The following ADGB variants were observed in gnomAD, a reference collection of about 807,000 sequenced individuals.
ADGB encodes the protein androglobin.
A neutral mutation model predicts 210.5 loss-of-function variants in ADGB; 172 were observed. The ratio of observed to expected loss-of-function variants is 0.82; its 90% CI spans 0.72 to 0.93. The LOEUF (loss-of-function observed/expected upper bound fraction) is 0.93. Ranked by LOEUF, ADGB falls within the 40% of genes least tolerant of loss-of-function variation. ADGB has a pLI of 0.00. For missense variants in ADGB, 2,025 were observed against 1,964.8 expected (o/e 1.03, Z -0.58); for synonymous variants, 658 against 662.7 (o/e 0.99, Z 0.11).
intron 27 of ADGB, among the ~76,000 whole-genome samples, chr6:146,761,427 T>G (rs1583626713): frequency 6.6e-6 from 1 of 152,098 alleles, no homozygotes; most frequent in Non-Finnish European, 1.5e-5. Context: ...TTTTGGACTC[T>G]GGATCAGTTG....
Position 146,745,918 on chromosome 6 carries a change from A to G in ADGB, c.3178-4A>G, listed in dbSNP as rs571478971. 1.3e-6 allele frequency: 2 copies of G among 1,537,668 alleles called. No individual in the cohort carries two copies. Among genetic ancestry groups the G allele is most frequent in the East Asian group, 2.5e-5 (1 of 40,716 alleles). ...CATTTCTGTGTAATTTGTCTTTCTT[A>G]TAGAAGGGATACACTTTTGTGGCGG... On this transcript the variant is annotated splice_region_variant and splice_polypyrimidine_tract_variant and intron_variant, in intron 25 of 35. Coordinates refer to ENST00000397944, the MANE Select transcript of ADGB (RefSeq NM_024694.4).
intron 33 of ADGB, among the ~76,000 whole-genome samples, chr6:146,800,019 G>A (rs557883943): frequency 7.9e-5 from 12 of 152,040 alleles, no homozygotes; most frequent in African/African-American, 2.4e-4. Flanking sequence ...CATCTTGGTC[G>A]GGCTGGTCTT....
rs758768531 is a variant in ADGB at position 146,736,617 on chromosome 6, T to C, written c.2888+26T>C. The C allele has an allele frequency of 4.1e-5, 60 of 1,451,918 alleles. No individual in the cohort carries two copies. In the South Asian group the frequency reaches 4.5e-4, roughly 11 times the overall value. 89.9% of individuals were successfully genotyped at this position (1,451,918 alleles called of 1,614,324 possible). ...GTAAAGCAGTCAAATGATATTTTTA[T>C]TGCAGTATATTGTCCTTTTGTCAAA... On this transcript the variant is annotated intron_variant, in intron 23 of 35. Coordinates refer to ENST00000397944, the MANE Select transcript of ADGB (RefSeq NM_024694.4).
intron 6 of ADGB, 147 bp downstream of exon 6, chr6:146,664,487 A>G (rs2114894381): frequency 2.5e-6 from 2 of 788,422 alleles, no homozygotes; most frequent in East Asian, 6.2e-5. Context: ...ATAAAATCAA[A>G]TACGCCAAAA....
intron 27 of ADGB, among the ~76,000 whole-genome samples, chr6:146,757,978 G>A (rs1240425966): frequency 6.6e-6 from 1 of 152,070 alleles, no homozygotes; most frequent in Non-Finnish European, 1.5e-5. Context: ...TTAAGTCACA[G>A]GGAAGTGGGA....
At chr6:146,686,583 G>A (rs1011312325) in intron 10 of ADGB, among the ~76,000 whole-genome samples, 3 of 151,916 alleles carry the variant, frequency 2.0e-5, no homozygotes, top group East Asian at 1.9e-4. Flanking sequence ...TAGTGCTTGC[G>A]TAGTATTTAT....
intron 35 of ADGB, among the ~76,000 whole-genome samples, chr6:146,813,210 C>G (rs1268675393): frequency 6.6e-6 from 1 of 152,158 alleles, no homozygotes; most frequent in Non-Finnish European, 1.5e-5. Context: ...ATCCGTGACC[C>G]TTTGGTCTCA....
chr6:146,719,934 G>A (rs1436542994), intron 16 of ADGB, among the ~76,000 whole-genome samples: 2 of 152,172 alleles, frequency 1.3e-5, no homozygotes, highest in African/African-American at 4.8e-5. Context: ...ATAGGGGGAG[G>A]AGTAAACATT....
chr6:146,807,447 G>T (rs1228068132), intron 35 of ADGB: 5 of 1,551,718 alleles, frequency 3.2e-6, no homozygotes, highest in South Asian at 1.2e-5. Context: ...CATCCGGGAA[G>T]AGTACAGAAA....
rs373764853 is a variant in ADGB at position 146,634,733 on chromosome 6, A to T, written c.75-642A>T. Among the ~76,000 whole-genome samples the T allele has an allele frequency of 7.9e-5, 12 of 152,152 alleles. No individual in the cohort carries two copies. In the East Asian group the frequency reaches 1.7e-3, roughly 22 times the overall value. On this transcript the variant is annotated intron_variant, in intron 1 of 35. Coordinates refer to ENST00000397944, the MANE Select transcript of ADGB (RefSeq NM_024694.4). The stretch of plus-strand genomic sequence containing the variant: ...AATCTATCGTAACAAAATAATGTGA[A>T]TGTACACAAAGATTTTGCAATAAGA...
chr6:146,714,315 GT>G lies in ADGB; in HGVS notation c.1708-1054del, dbSNP rs61107324. 7.1e-4 allele frequency among the ~76,000 whole-genome samples: 104 copies of G among 146,132 alleles called. No homozygotes were observed. The Middle Eastern group carries it at 0.018, about 25-fold the overall frequency. On this transcript the variant is annotated intron_variant, in intron 13 of 35. Transcript: ENST00000397944. The stretch of plus-strand genomic sequence containing the variant: ...GGGGCTGGCTCCCAATGTGCATCTT[GT>G]TTTTTTTTTTTTCCCCTGACTCTGG...
intron 1 of ADGB, among the ~76,000 whole-genome samples, chr6:146,632,905 C>T (rs889251859): frequency 1.3e-5 from 2 of 152,092 alleles, no homozygotes; most frequent in Non-Finnish European, 2.9e-5. Flanking sequence ...CAGCTGTTAG[C>T]ATCCCTGGGT....
intron 1 of ADGB, among the ~76,000 whole-genome samples, chr6:146,603,823 G>T (rs1363879116): frequency 6.6e-6 from 1 of 152,126 alleles, no homozygotes; most frequent in African/African-American, 2.4e-5. Flanking sequence ...CAAATATCTT[G>T]CTGTGTATTA....
chr6:146,799,123 G>A (rs1450036426), intron 33 of ADGB, among the ~76,000 whole-genome samples: 2 of 149,586 alleles, frequency 1.3e-5, no homozygotes, highest in African/African-American at 4.9e-5. Context: ...CCAAGTGGGA[G>A]GGGAACTTAC....
intron 5 of ADGB, among the ~76,000 whole-genome samples, chr6:146,657,670 T>C (rs1228661635): frequency 6.6e-6 from 1 of 152,154 alleles, no homozygotes; most frequent in Non-Finnish European, 1.5e-5. Context: ...CTCTTTCTTC[T>C]CTGATGTGGT....
chr6:146,637,049 G>A (rs545921168), intron 2 of ADGB, among the ~76,000 whole-genome samples: 4 of 152,026 alleles, frequency 2.6e-5, no homozygotes, highest in African/African-American at 9.6e-5. Context: ...ATGCAGTACT[G>A]TAAGGTTATT....
chr6:146,717,577 A>C lies in ADGB; in HGVS notation c.1970A>C (p.Asn657Thr). ...CACAAGCCAAGTTCATATTGCCTTAACTTTCAAAAATCAGAATTTAAGGTA... is the reference window on the plus strand; with the variant it reads ...CACAAGCCAAGTTCATATTGCCTTACCTTTCAAAAATCAGAATTTAAGGTA... ...IFHKPSSYCL[N>T]FQKSEFKFSE... is the part of the protein sequence containing the mutation. The change falls in exon 16 of 36, where the codon AAC becomes ACC. Residue 657 changes from asparagine (N) to threonine (T), a missense_variant. By Grantham distance (65) the Asn-to-Thr change is moderately conservative. Transcript: ENST00000397944. The C allele has an allele frequency of 7.1e-7, 1 of 1,412,594 alleles. No homozygotes were observed. The highest frequency in any genetic ancestry group is 9.6e-7 in the Non-Finnish European group (1 of 1,040,938). The allele number at this position is 1,412,594 out of a possible 1,614,324, so 87.5% of individuals were successfully genotyped here.
intron 29 of ADGB, among the ~76,000 whole-genome samples, chr6:146,772,936 G>A (rs1274001537): frequency 6.6e-6 from 1 of 152,102 alleles, no homozygotes; most frequent in Non-Finnish European, 1.5e-5. Context: ...ATGTGTCTCA[G>A]GCTATACGCA....
intron 31 of ADGB, 55 bp downstream of exon 31, chr6:146,784,849 T>C: frequency 6.8e-7 from 1 of 1,476,832 alleles, no homozygotes; most frequent in Non-Finnish European, 9.0e-7. Context: ...AGGCATGCTC[T>C]GAAAAAAATA....
Sources: allele counts gnomAD v4.1 joint callset (sites outside exome capture counted in the v4.1 genomes callset), GRCh38; gene constraint gnomAD v4.1.1; transcripts MANE v1.5; gene names NCBI Gene and HGNC (gene_info 2026-07-23, HGNC 2026-07-21).